ABLIM1: variants seen among roughly 807,000 people sequenced by gnomAD.
ABLIM1 encodes actin-binding LIM protein 1.
In ABLIM1, 40 loss-of-function variants were observed where a neutral mutation model predicts 107.0. The ratio of observed to expected loss-of-function variants is 0.37; its 90% CI spans 0.29 to 0.49. The LOEUF (loss-of-function observed/expected upper bound fraction) is 0.49. ABLIM1 is among the 20% of genes least tolerant of loss of function. ABLIM1 has a pLI of 0.97. For missense variants in ABLIM1, 857 were observed against 1,008.5 expected (o/e 0.85, Z 2.04); for synonymous variants, 357 against 357.3 (o/e 1.00, Z 0.01).
At chr10:114,596,347 T>G (rs2075413339) in intron 2 of ABLIM1, among the ~76,000 whole-genome samples, 1 of 152,222 alleles carries the variant, frequency 6.6e-6, no homozygotes, top group South Asian at 2.1e-4. Context: ...CAACCTGGTA[T>G]GCTGTCTCTA....
chr10:114,782,812 A>T, the ABLIM1 span, among the ~76,000 whole-genome samples: 1 of 152,136 alleles, frequency 6.6e-6, no homozygotes, highest in African/African-American at 2.4e-5. Context: ...AAGAAAAAAA[A>T]TAAGAAGAAT....
At chr10:114,575,634 T>C (rs1398550951) in intron 2 of ABLIM1, 35 bp from the exon 3 acceptor site, 2 of 1,592,264 alleles carry the variant, frequency 1.3e-6, no homozygotes, top group Non-Finnish European at 1.7e-6. Flanking sequence ...GGTCATTATC[T>C]GCCACACTGC....
At chr10:114,668,455 A>G (rs1483043620) in intron 1 of ABLIM1, among the ~76,000 whole-genome samples, 1 of 152,198 alleles carries the variant, frequency 6.6e-6, no homozygotes, top group African/African-American at 2.4e-5. Flanking sequence ...CAGAAGAAAA[A>G]GGACATGGAT....
chr10:114,559,106 T>A (rs1055447861), intron 4 of ABLIM1, among the ~76,000 whole-genome samples: 1 of 152,162 alleles, frequency 6.6e-6, no homozygotes, highest in Non-Finnish European at 1.5e-5. Flanking sequence ...CCCTCCTCCA[T>A]TGGTCTCATG....
chr10:114,590,504 T>C (rs1591443203), intron 2 of ABLIM1, among the ~76,000 whole-genome samples: 1 of 152,210 alleles, frequency 6.6e-6, no homozygotes, highest in Admixed American at 6.5e-5. Context: ...ACTGTATACA[T>C]AGTATTTCCT....
chr10:114,758,092 C>T (rs1050313315), intron 1 of ABLIM1, among the ~76,000 whole-genome samples: 7 of 152,106 alleles, frequency 4.6e-5, no homozygotes, highest in African/African-American at 1.7e-4. Flanking sequence ...CATTATCGCC[C>T]CATATGCAAT....
intron 10 of ABLIM1, among the ~76,000 whole-genome samples, chr10:114,471,637 T>C (rs2066591384): frequency 6.6e-6 from 1 of 151,528 alleles, no homozygotes; most frequent in Admixed American, 6.6e-5. Flanking sequence ...AAACCCAGAT[T>C]AGAAAGTAAA....
the ABLIM1 span, among the ~76,000 whole-genome samples, chr10:114,777,203 C>T: frequency 6.6e-6 from 1 of 152,070 alleles, no homozygotes; most frequent in Non-Finnish European, 1.5e-5. Context: ...TTGCTGTGTT[C>T]TGCCTGTAAA....
intron 6 of ABLIM1, among the ~76,000 whole-genome samples, chr10:114,514,545 A>T (rs542836453): frequency 3.3e-5 from 5 of 152,052 alleles, no homozygotes; most frequent in Non-Finnish European, 5.9e-5. Flanking sequence ...CAACTAATTT[A>T]AAAAAATTTT....
chr10:114,795,998 A>G, the ABLIM1 span, among the ~76,000 whole-genome samples: 1 of 152,176 alleles, frequency 6.6e-6, no homozygotes, highest in Admixed American at 6.5e-5. Context: ...TCCTGAATTT[A>G]TGGGCATCCA....
At chr10:114,579,788 T>G (rs2073128028) in intron 2 of ABLIM1, among the ~76,000 whole-genome samples, 1 of 152,216 alleles carries the variant, frequency 6.6e-6, no homozygotes, top group Admixed American at 6.5e-5. Flanking sequence ...TTCTACTTTC[T>G]ATCTCTATGA....
chr10:114,551,107 C>G (rs1258391256), intron 4 of ABLIM1, among the ~76,000 whole-genome samples: 2 of 152,194 alleles, frequency 1.3e-5, no homozygotes, highest in Non-Finnish European at 2.9e-5. Flanking sequence ...TCTCCGAACC[C>G]TCATTTCTTC....
chr10:114,491,173 T>C (rs2058948150), intron 7 of ABLIM1, among the ~76,000 whole-genome samples: 2 of 151,728 alleles, frequency 1.3e-5, no homozygotes, highest in Non-Finnish European at 2.9e-5. Context: ...AAGTACCTCT[T>C]TGACACCAGA....
intron 1 of ABLIM1, among the ~76,000 whole-genome samples, chr10:114,741,287 G>A (rs554218232): frequency 1.5e-4 from 21 of 138,140 alleles, no homozygotes; most frequent in South Asian, 9.7e-4. Context: ...GTGCAGTGGC[G>A]CCATCTCAGC....
At chr10:114,554,014 G>A (rs1173214602) in intron 4 of ABLIM1, among the ~76,000 whole-genome samples, 1 of 152,166 alleles carries the variant, frequency 6.6e-6, no homozygotes, top group Non-Finnish European at 1.5e-5. Flanking sequence ...AAGCTATGAG[G>A]AGACCATGAG....
At chr10:114,534,734 T>G (rs2065816381) in intron 6 of ABLIM1, among the ~76,000 whole-genome samples, 1 of 152,184 alleles carries the variant, frequency 6.6e-6, no homozygotes, top group Non-Finnish European at 1.5e-5. Flanking sequence ...GTTACTCCCC[T>G]GCTTACACAT....
At chr10:114,747,199 T>C (rs2082402600) in intron 1 of ABLIM1, among the ~76,000 whole-genome samples, 3 of 152,172 alleles carry the variant, frequency 2.0e-5, no homozygotes, top group Admixed American at 6.5e-5. Flanking sequence ...TTGGGAAAGA[T>C]GAACAGTCTA....
chr10:114,714,514 G>GC (rs767197273), intron 1 of ABLIM1, among the ~76,000 whole-genome samples: 1 of 152,220 alleles, frequency 6.6e-6, no homozygotes, highest in Non-Finnish European at 1.5e-5. Flanking sequence ...GGCATGTGAT[G>GC]CCATTGTGAC....
At chr10:114,487,919 A>T in intron 8 of ABLIM1, 39 bp downstream of exon 8, 1 of 1,610,434 alleles carries the variant, frequency 6.2e-7, no homozygotes, top group Non-Finnish European at 8.5e-7. Context: ...CGTATGGCCT[A>T]CAAATGCAGC....
Sources: allele counts gnomAD v4.1 joint callset (sites outside exome capture counted in the v4.1 genomes callset), GRCh38; gene constraint gnomAD v4.1.1; transcripts MANE v1.5; gene names NCBI Gene and HGNC (gene_info 2026-07-23, HGNC 2026-07-21).